Variants in PSD3 observed in about 807,000 individuals in gnomAD.
PSD3 encodes the protein PH and SEC7 domain-containing protein 3.
Under a neutral mutation model 105.5 loss-of-function variants are expected in PSD3, and 49 were observed. That is an observed-to-expected ratio of 0.46 (90% CI 0.37 to 0.59). The LOEUF is 0.59. PSD3 is among the 20% of genes least tolerant of loss of function. PSD3 has a pLI of 0.00. For synonymous variants in PSD3, 557 were observed against 457.8 expected, an observed-to-expected ratio of 1.22 and a Z score of -2.77; for missense variants, 1,561 against 1,263.8, an observed-to-expected ratio of 1.24 and a Z score of -3.57.
intron 9 of PSD3, among the ~76,000 whole-genome samples, chr8:18,689,392 C>T (rs1800845379): frequency 6.6e-6 from 1 of 152,116 alleles, no homozygotes. Context: ...TCCCTCTTTG[C>T]TAAGAAAATC....
intron 12 of PSD3, among the ~76,000 whole-genome samples, chr8:18,589,822 G>A (rs1232206854): frequency 3.3e-5 from 5 of 152,144 alleles, no homozygotes; most frequent in African/African-American, 1.2e-4. Flanking sequence ...AAGGCTGTGG[G>A]CAAGGGTCCC....
intron 14 of PSD3, among the ~76,000 whole-genome samples, chr8:18,556,884 C>T (rs1208113892): frequency 6.6e-6 from 1 of 152,210 alleles, no homozygotes; most frequent in Non-Finnish European, 1.5e-5. Context: ...AAACATGCAG[C>T]TATCTCGCTT....
chr8:18,560,957 C>A (rs1361464546), intron 14 of PSD3, among the ~76,000 whole-genome samples: 1 of 151,810 alleles, frequency 6.6e-6, no homozygotes, highest in Non-Finnish European at 1.5e-5. Flanking sequence ...TTTTTGCCCC[C>A]GTCTTCTGTC....
At chr8:19,036,782 G>A (rs1163081914) in intron 1 of PSD3, among the ~76,000 whole-genome samples, 2 of 152,148 alleles carry the variant, frequency 1.3e-5, no homozygotes. Context: ...TCATTGAAAT[G>A]TCCTCTTGTA....
At chr8:18,595,787 A>T (rs77030879) in intron 12 of PSD3, among the ~76,000 whole-genome samples, 9 of 152,014 alleles carry the variant, frequency 5.9e-5, no homozygotes, top group East Asian at 3.9e-4. Context: ...ACAGGACTGA[A>T]GGTAGAAATT....
At chr8:18,769,804 A>G (rs1807339111) in intron 8 of PSD3, among the ~76,000 whole-genome samples, 1 of 152,202 alleles carries the variant, frequency 6.6e-6, no homozygotes, top group Admixed American at 6.5e-5. Context: ...TGTTGCATAA[A>G]TCAGTATTTA....
intron 2 of PSD3, among the ~76,000 whole-genome samples, chr8:18,899,667 A>T (rs1014106313): frequency 9.2e-5 from 14 of 152,056 alleles, no homozygotes; most frequent in African/African-American, 2.9e-4. Flanking sequence ...GTATTGTCCT[A>T]TATCAAAAGA....
intron 2 of PSD3, among the ~76,000 whole-genome samples, chr8:18,933,798 T>C (rs983381832): frequency 2.0e-5 from 3 of 152,160 alleles, no homozygotes; most frequent in African/African-American, 4.8e-5. Context: ...AGTCTGGGGA[T>C]AACTATAATC....
At chr8:18,636,475 G>C (rs1440755348) in intron 10 of PSD3, among the ~76,000 whole-genome samples, 1 of 152,062 alleles carries the variant, frequency 6.6e-6, no homozygotes, top group Non-Finnish European at 1.5e-5. Context: ...TTGAAGAAAA[G>C]GTTTTTAAAA....
intron 10 of PSD3, among the ~76,000 whole-genome samples, chr8:18,645,535 C>T (rs1333282442): frequency 2.0e-5 from 3 of 152,102 alleles, no homozygotes; most frequent in South Asian, 4.1e-4. Context: ...TTTACATAAC[C>T]ACTATACATA....
chr8:18,874,978 C>T (rs571839792), intron 2 of PSD3, among the ~76,000 whole-genome samples: 7 of 152,102 alleles, frequency 4.6e-5, no homozygotes, highest in Admixed American at 2.0e-4. Context: ...TGTGGGAGTG[C>T]GAACATAGCT....
chr8:18,921,380 G>C (rs1016655191), intron 2 of PSD3, among the ~76,000 whole-genome samples: 2 of 152,224 alleles, frequency 1.3e-5, no homozygotes, highest in Non-Finnish European at 2.9e-5. Context: ...ACAAACACTA[G>C]GGGAGATGCT....
intron 9 of PSD3, among the ~76,000 whole-genome samples, chr8:18,741,390 T>C (rs565830552): frequency 4.6e-5 from 7 of 152,302 alleles, no homozygotes; most frequent in East Asian, 1.9e-4. Context: ...CAAGAGTCCA[T>C]TGATCTTTCC....
chr8:19,033,232 C>A (rs989347077), intron 1 of PSD3, among the ~76,000 whole-genome samples: 3 of 149,802 alleles, frequency 2.0e-5, no homozygotes, highest in Admixed American at 6.6e-5. Context: ...GAAAGATACA[C>A]AACCAACATT....
At position 18,535,953 on chromosome 8, in the gene PSD3, G is replaced by A. The variant is rs1226015728; in HGVS notation, c.2934C>T (p.Thr978=). 5.0e-6 allele frequency: 8 copies of A among 1,613,862 alleles called. No individual in the cohort carries two copies. The highest frequency in any genetic ancestry group is 6.8e-6 in the Non-Finnish European group (8 of 1,179,932). ...LKDHYLEFEK[T]RYEMYVSILK... ...GAATGCTGACATACATTTCATAGCG[G>A]GTTTTCTGAAGGCAAAGCCAGAGAA... The change falls in exon 16 of 16, where the codon ACC becomes ACT. Residue 978 remains threonine, a synonymous_variant. Transcript: ENST00000327040.
At chr8:18,920,685 T>C (rs1820951913) in intron 2 of PSD3, among the ~76,000 whole-genome samples, 2 of 152,226 alleles carry the variant, frequency 1.3e-5, no homozygotes, top group South Asian at 4.1e-4. Context: ...CCTACATGAA[T>C]GTCCAACAGG....
At chr8:18,590,670 T>C (rs2255217) in intron 12 of PSD3, among the ~76,000 whole-genome samples, 51,005 of 151,986 alleles carry the variant, frequency 0.34, 9,297 homozygotes, top group Non-Finnish European at 0.42. Flanking sequence ...GTGTGCAGTG[T>C]TATTTTATAA....
chr8:18,644,024 C>A (rs1424014827), intron 10 of PSD3, among the ~76,000 whole-genome samples: 1 of 152,184 alleles, frequency 6.6e-6, no homozygotes, highest in Admixed American at 6.5e-5. Context: ...GTGGAGAGCA[C>A]CCTGGGCCCA....
intron 1 of PSD3, among the ~76,000 whole-genome samples, chr8:18,982,636 T>C (rs947125811): frequency 2.0e-5 from 3 of 152,232 alleles, no homozygotes; most frequent in Non-Finnish European, 2.9e-5. Context: ...CATCTCCTTG[T>C]AGATTTACAT....
Sources: gnomAD v4.1 joint callset for allele counts (sites outside exome capture counted in the v4.1 genomes callset) on GRCh38, gnomAD v4.1.1 for gene constraint, MANE v1.5 for transcripts, NCBI Gene and HGNC (gene_info 2026-07-23, HGNC 2026-07-21) for gene names.